ASB15: variants seen among roughly 807,000 people sequenced by gnomAD.
The protein encoded by ASB15 is ankyrin repeat and SOCS box protein 15.
Under a neutral mutation model 58.0 loss-of-function variants are expected in ASB15, and 54 were observed. The ratio of observed to expected loss-of-function variants is 0.93; its 90% CI spans 0.75 to 1.17. The LOEUF is 1.17. Among genes scored for constraint, ASB15 ranks in the 50% most tolerant of loss-of-function variants. ASB15 has a pLI of 0.00. For missense variants in ASB15, 680 were observed against 707.4 expected, an observed-to-expected ratio of 0.96 and a Z score of 0.44; for synonymous variants, 249 against 262.4, an observed-to-expected ratio of 0.95 and a Z score of 0.50.
intron 2 of ASB15, among the ~76,000 whole-genome samples, chr7:123,605,547 C>T (rs569545735): frequency 6.6e-5 from 10 of 152,094 alleles, no homozygotes; most frequent in Admixed American, 5.9e-4. Flanking sequence ...TGCACACGTA[C>T]GTTCACTGCA....
intron 2 of ASB15, among the ~76,000 whole-genome samples, chr7:123,607,866 C>T (rs1800226267): frequency 6.6e-6 from 1 of 152,158 alleles, no homozygotes; most frequent in Non-Finnish European, 1.5e-5. Flanking sequence ...GATCAGGGCA[C>T]GTCTACTAAT....
At position 123,571,112 on chromosome 7, in the gene ASB15, T is replaced by C. The variant is rs73718422; in HGVS notation, c.-443+4024T>C. 7.0e-3 allele frequency among the ~76,000 whole-genome samples: 1,061 copies of C among 152,328 alleles called. 12 individuals carry two copies. Among genetic ancestry groups the C allele is most frequent in the African/African-American group, 0.024 (1,018 of 41,580 alleles). Reference sequence around the variant, plus strand: ...TTTGTTTCCACTTGTTTTTAAGGAATAAATGATCATTTCTTTAAATTTACC... The same window carrying C: ...TTTGTTTCCACTTGTTTTTAAGGAACAAATGATCATTTCTTTAAATTTACC... On this transcript the variant is annotated intron_variant, in intron 1 of 13. Transcript: ENST00000451558.
upstream of ASB15, chr7:123,601,727 C>T (rs1366726747): frequency 6.6e-6 from 1 of 152,084 alleles, no homozygotes; most frequent in East Asian, 1.9e-4. Flanking sequence ...CTAGAGAAGT[C>T]ATGGGTAATA....
chr7:123,585,619 C>T (rs532280209), intron 1 of ASB15, among the ~76,000 whole-genome samples: 1 of 148,944 alleles, frequency 6.7e-6, no homozygotes, highest in South Asian at 2.1e-4. Context: ...TATCCATCAC[C>T]TTACATAGTT....
At chr7:123,583,198 T>C (rs929057838) in intron 1 of ASB15, among the ~76,000 whole-genome samples, 1 of 151,878 alleles carries the variant, frequency 6.6e-6, no homozygotes, top group African/African-American at 2.4e-5. Context: ...CAAGATCAGC[T>C]GGGGCAATTA....
rs535635767 is a variant in ASB15, at chr7:123,611,098, A to G, written c.-3+2444A>G. On this transcript the variant is annotated intron_variant, in intron 3 of 11. Coordinates refer to ENST00000451215, the MANE Select transcript of ASB15 (RefSeq NM_001290258.2). ...ACTCCATCTCAAAAAAAAAAAAAAA[A>G]AAAAAAGAAAAGAAAAATCAATTTT... 1.0e-3 allele frequency among the ~76,000 whole-genome samples: 159 copies of G among 151,508 alleles called. 1 individual carries two copies. Among genetic ancestry groups the G allele is most frequent in the African/African-American group, 3.5e-3 (146 of 41,444 alleles).
chr7:123,579,616 C>G (rs1799170331), intron 1 of ASB15, among the ~76,000 whole-genome samples: 1 of 152,012 alleles, frequency 6.6e-6, no homozygotes, highest in Non-Finnish European at 1.5e-5. Context: ...TAATTTAGAA[C>G]AAGTTTGCAA....
At chr7:123,612,554 G>T (rs918793526) in intron 3 of ASB15, among the ~76,000 whole-genome samples, 7 of 152,156 alleles carry the variant, frequency 4.6e-5, no homozygotes, top group African/African-American at 1.4e-4. Flanking sequence ...AATGTCTTGT[G>T]CCAGCCTTAA....
In ASB15 at chr7:123,628,998, A is replaced by G. The variant is rs778904106; in HGVS notation, c.1004A>G (p.Asn335Ser). The G allele has an allele frequency of 6.2e-7, 1 of 1,613,754 alleles. No homozygotes were observed. Among genetic ancestry groups the G allele is most frequent in the East Asian group, 2.2e-5 (1 of 44,882 alleles). Residue 335 changes from asparagine to serine, a missense_variant, in exon 10 of 12, where the codon AAC becomes AGC. Transcript: ENST00000451215. ...CTCATTGAAAATGGTTTTGATGTCAACACTCTACTTGCTGACCACATTTCC... is the reference window on the plus strand; with the variant it reads ...CTCATTGAAAATGGTTTTGATGTCAGCACTCTACTTGCTGACCACATTTCC... ...ELLIENGFDVNTLLADHISQS... is the reference protein window; with the variant it reads ...ELLIENGFDVSTLLADHISQS...
At position 123,628,892 on chromosome 7, in the gene ASB15, T is replaced by C. The variant is rs567016391; in HGVS notation, c.898T>C (p.Ser300Pro). The C allele has an allele frequency of 1.0e-5, 16 of 1,560,088 alleles. No individual in the cohort carries two copies. The East Asian group carries it at 3.2e-4, about 31-fold the overall frequency. The change falls in exon 10 of 12, where the codon TCT (serine) becomes CCT (proline). Residue 300 changes from serine to proline, a missense_variant. By Grantham distance (74) the Ser-to-Pro change is moderately conservative. Coordinates refer to ENST00000451215, the MANE Select transcript of ASB15 (RefSeq NM_001290258.2). Reference protein sequence around the residue: ...LALKYLIPVTSKNAIRKSGLT... With the variant: ...LALKYLIPVTPKNAIRKSGLT... ...ACTGAAATATCTTATCCCAGTAACA[T>C]CTAAAAATGCAATTCGGAAAAGTGG...
intron 10 of ASB15, 82 bp from the exon 11 acceptor site, chr7:123,629,884 G>A: frequency 1.0e-6 from 1 of 998,954 alleles, no homozygotes; most frequent in Non-Finnish European, 1.4e-6. Context: ...GTAAAACAGA[G>A]TAATTTTTCC....
rs899957072 is a variant in ASB15 at position 123,604,063 on chromosome 7, C to T, written c.-213C>T. The T allele has an allele frequency of 6.6e-6, 1 of 152,182 alleles. No individual in the cohort carries two copies. Among genetic ancestry groups the T allele is most frequent in the Non-Finnish European group, 1.5e-5 (1 of 68,044 alleles). The allele number at this position is 152,182 out of a possible 1,614,324, so 9.4% of individuals were successfully genotyped here. A position where few individuals can be genotyped will look rare whatever the true frequency, so the allele number is the denominator to read the frequency against. ...AGTCAAGACAGTGCAGGAGGTGAGG[C>T]CATCTTATAGGAAGAGCAGTTGTCC... On this transcript the variant is annotated 5_prime_UTR_variant, in exon 2 of 12. Coordinates refer to ENST00000451215, the MANE Select transcript of ASB15 (RefSeq NM_001290258.2).
intron 2 of ASB15, among the ~76,000 whole-genome samples, chr7:123,606,916 G>A (rs1395527638): frequency 6.6e-6 from 1 of 152,200 alleles, no homozygotes; most frequent in African/African-American, 2.4e-5. Flanking sequence ...TAACATGGAA[G>A]TGCAGATATC....
intron 1 of ASB15, among the ~76,000 whole-genome samples, chr7:123,570,547 G>T (rs1470643870): frequency 6.6e-6 from 1 of 152,124 alleles, no homozygotes; most frequent in African/African-American, 2.4e-5. Flanking sequence ...AACACACTAA[G>T]AAACTGGCTT....
At chr7:123,571,747 G>A (rs966272363) in intron 1 of ASB15, among the ~76,000 whole-genome samples, 3 of 152,124 alleles carry the variant, frequency 2.0e-5, no homozygotes, top group Non-Finnish European at 2.9e-5. Flanking sequence ...AAATTTTTAA[G>A]AAGAAAAGTG....
chr7:123,614,544 T>C lies in ASB15; in HGVS notation c.42T>C (p.Ser14=). Residue 14 remains serine, a synonymous_variant, in exon 4 of 12, where the codon AGT becomes AGC. Coordinates refer to ENST00000451215, the MANE Select transcript of ASB15 (RefSeq NM_001290258.2). The stretch of plus-strand genomic sequence containing the variant: ...ACCCTGATGAAGACCATCTTACAAG[T>C]TATGATATTCAGCTAAGTATTCAAG... The part of the protein sequence containing the change: ...NDDPDEDHLT[S]YDIQLSIQES... 6.2e-7 allele frequency: 1 copy of C among 1,610,874 alleles called. No homozygotes were observed. Among genetic ancestry groups the C allele is most frequent in the East Asian group, 2.2e-5 (1 of 44,794 alleles).
At position 123,630,045 on chromosome 7, in the gene ASB15, A is replaced by G; in HGVS notation, c.1520A>G (p.Tyr507Cys). The change falls in exon 11 of 12, where the codon TAT (tyrosine) becomes TGT (cysteine). Residue 507 changes from tyrosine to cysteine, a missense_variant. By Grantham distance (194) the Tyr-to-Cys change is radical. Coordinates refer to ENST00000451215, the MANE Select transcript of ASB15 (RefSeq NM_001290258.2). The part of the protein sequence containing the change: ...VTRVLIDYMD[Y>C]VPLCAKLKSA... ...CGTGTACTAATAGATTACATGGATT[A>G]TGTTCCTCTGTGTGCTAAACTGAAG... 1.2e-6 allele frequency: 2 copies of G among 1,608,356 alleles called. No individual in the cohort carries two copies. Among genetic ancestry groups the G allele is most frequent in the South Asian group, 1.1e-5 (1 of 90,722 alleles).
chr7:123,590,968 A>G (rs1799522616), intron 1 of ASB15, among the ~76,000 whole-genome samples: 1 of 151,488 alleles, frequency 6.6e-6, no homozygotes, highest in South Asian at 2.1e-4. Flanking sequence ...GTCTTCTTTT[A>G]TTTTATTGAG....
chr7:123,602,524 T>G (rs1482182018), intron 1 of ASB15, among the ~76,000 whole-genome samples: 9 of 152,258 alleles, frequency 5.9e-5, no homozygotes, highest in African/African-American at 2.2e-4. Flanking sequence ...GCTTTCTATA[T>G]CTAAAATGAT....
Sources: gnomAD v4.1 joint callset for allele counts (sites outside exome capture counted in the v4.1 genomes callset) on GRCh38, gnomAD v4.1.1 for gene constraint, MANE v1.5 for transcripts, NCBI Gene and HGNC (gene_info 2026-07-23, HGNC 2026-07-21) for gene names.